The following MIB1 variants were observed in gnomAD, a reference collection of about 807,000 sequenced individuals.
MIB1 encodes E3 ubiquitin-protein ligase MIB1.
A neutral mutation model predicts 124.5 loss-of-function variants in MIB1; 278 were observed. The observed-to-expected ratio is 2.23, with a 90% confidence interval of 2.02 to 2.47. The LOEUF (loss-of-function observed/expected upper bound fraction) is 2.47. MIB1 is among the 30% of genes most tolerant of loss of function. The pLI is 0.00. For synonymous variants in MIB1, 446 were observed against 429.4 expected (o/e 1.04, Z -0.48); for missense variants, 957 against 1,254.4 (o/e 0.76, Z 3.58).
chr18:21,774,961 T>TTTATTTATTTA (rs1568195981), intron 4 of MIB1, among the ~76,000 whole-genome samples: 13 of 86,400 alleles, frequency 1.5e-4, no homozygotes, highest in African/African-American at 7.5e-4. Context: ...TTATTTATTT[T>TTTATTTATTTA]TTGAGACACA....
intron 1 of MIB1, among the ~76,000 whole-genome samples, chr18:21,731,733 CAA>C (rs1229088832): frequency 2.8e-5 from 1 of 35,896 alleles, no homozygotes; most frequent in Non-Finnish European, 5.0e-5. Flanking sequence ...CCCCGTCTCA[CAA>C]AAAAAAAAAA....
chr18:21,718,711 G>A (rs1332703468), intron 1 of MIB1, among the ~76,000 whole-genome samples: 1 of 152,190 alleles, frequency 6.6e-6, no homozygotes, highest in Non-Finnish European at 1.5e-5. Flanking sequence ...TATCTTGGGT[G>A]AGTTACTGGC....
intron 2 of MIB1, among the ~76,000 whole-genome samples, chr18:21,766,555 T>C (rs1345739681): frequency 6.6e-6 from 1 of 152,126 alleles, no homozygotes; most frequent in African/African-American, 2.4e-5. Context: ...ATACAGATAC[T>C]GCAAAGGAGC....
upstream of MIB1, among the ~76,000 whole-genome samples, chr18:21,737,095 A>T (rs570396182): frequency 1.3e-5 from 2 of 152,284 alleles, no homozygotes; most frequent in African/African-American, 2.4e-5. Flanking sequence ...ATGAGGAAAA[A>T]ATGTTAAGGG....
chr18:21,741,964 T>G lies in MIB1; in HGVS notation c.229+152T>G. The stretch of plus-strand genomic sequence containing the variant: ...CGGAAAGGCAAAGCGCCAAAGGAAT[T>G]CTAGGTTCCGAACGGGTGAACAAAC... On this transcript the variant is annotated intron_variant, in intron 1 of 20. Coordinates refer to ENST00000261537, the MANE Select transcript of MIB1 (RefSeq NM_020774.4). The surrounding 1 kb of genome is among the most constrained non-coding windows in gnomAD (Gnocchi z 5.4). The G allele has an allele frequency of 1.5e-6, 1 of 677,502 alleles. No individual in the cohort carries two copies. The highest frequency in any genetic ancestry group is 2.4e-6 in the Non-Finnish European group (1 of 415,040). 42.0% of individuals were successfully genotyped at this position (677,502 alleles called of 1,614,324 possible). A position where few individuals can be genotyped will look rare whatever the true frequency, so the allele number is the denominator to read the frequency against.
intron 12 of MIB1, among the ~76,000 whole-genome samples, chr18:21,833,014 G>A (rs1426616957): frequency 6.6e-6 from 1 of 152,138 alleles, no homozygotes; most frequent in African/African-American, 2.4e-5. Flanking sequence ...TATAAAGTAG[G>A]ATTTGTGATT....
At chr18:21,791,299 A>G in intron 6 of MIB1, 75 bp from the exon 7 acceptor site, 1 of 1,251,992 alleles carries the variant, frequency 8.0e-7, no homozygotes, top group African/African-American at 1.5e-5. Context: ...TACTCTTTTG[A>G]TCTTCACTGT....
At chr18:21,822,709 T>TTC (rs1555694331) in intron 12 of MIB1, among the ~76,000 whole-genome samples, 24 of 151,328 alleles carry the variant, frequency 1.6e-4, no homozygotes, top group Middle Eastern at 3.4e-3. Context: ...GGTTGATTTT[T>TTC]CCCCCCCTAT....
intron 10 of MIB1, among the ~76,000 whole-genome samples, chr18:21,815,016 TATA>T (rs2041813626): frequency 1.0e-4 from 2 of 19,900 alleles, no homozygotes; most frequent in Non-Finnish European, 2.1e-4. Context: ...TGGTTTTATA[TATA>T]TATATATATA....
At chr18:21,789,822 G>C (rs2041481658) in intron 6 of MIB1, among the ~76,000 whole-genome samples, 1 of 152,112 alleles carries the variant, frequency 6.6e-6, no homozygotes, top group Admixed American at 6.6e-5. Flanking sequence ...GTTACAGAAA[G>C]TTAGTAAACA....
At chr18:21,791,058 G>C (rs2041496475) in intron 6 of MIB1, among the ~76,000 whole-genome samples, 1 of 151,794 alleles carries the variant, frequency 6.6e-6, no homozygotes, top group African/African-American at 2.4e-5. Flanking sequence ...ACAAAAATTA[G>C]CTGGGCACAG....
At chr18:21,779,907 GA>G (rs1334850904) in intron 6 of MIB1, among the ~76,000 whole-genome samples, 3 of 151,654 alleles carry the variant, frequency 2.0e-5, no homozygotes, top group Non-Finnish European at 4.4e-5. Flanking sequence ...GTGTGTATGT[GA>G]ATTTATATGA....
Position 21,779,521 on chromosome 18 carries a change from T to G in MIB1, c.744T>G (p.Ile248Met), listed in dbSNP as rs533902815. 2 of 1,614,148 alleles carry G rather than the reference T, an allele frequency of 1.2e-6. No individual in the cohort carries two copies. The highest frequency in any genetic ancestry group is 2.2e-5 in the East Asian group (1 of 44,876). ...NGNRNPGGLQ[I>M]GDLVNIDLDL... is the part of the protein sequence containing the mutation. Reference sequence around the variant, plus strand: ...ACAGGAATCCTGGTGGATTGCAGATTGGTGACCTGGTAAATATAGATCTCG... The same window carrying G: ...ACAGGAATCCTGGTGGATTGCAGATGGGTGACCTGGTAAATATAGATCTCG... Residue 248 changes from isoleucine (I) to methionine (M), a missense_variant, in exon 6 of 21, where the codon ATT becomes ATG. By Grantham distance (10) the Ile-to-Met change is conservative. Transcript: ENST00000261537.
chr18:21,734,609 A>G (rs1196507510), intron 1 of MIB1, among the ~76,000 whole-genome samples: 1 of 151,056 alleles, frequency 6.6e-6, no homozygotes, highest in Non-Finnish European at 1.5e-5. Flanking sequence ...GCTCACTGCA[A>G]CCTTTACCTC....
intron 1 of MIB1, among the ~76,000 whole-genome samples, chr18:21,753,757 A>T (rs1212612968): frequency 2.0e-5 from 3 of 151,800 alleles, no homozygotes; most frequent in African/African-American, 7.3e-5. Context: ...GCCCACTGCA[A>T]CCTCTGCCTC....
At chr18:21,797,011 CA>C (rs1307514168) in intron 7 of MIB1, among the ~76,000 whole-genome samples, 1 of 151,902 alleles carries the variant, frequency 6.6e-6, no homozygotes, top group East Asian at 1.9e-4. Flanking sequence ...TTTAAACAAA[CA>C]AAAAATTGAT....
chr18:21,815,933 C>A, intron 11 of MIB1, 120 bp downstream of exon 11: 2 of 904,878 alleles, frequency 2.2e-6, no homozygotes, highest in Non-Finnish European at 3.3e-6. Flanking sequence ...TAAATGATAC[C>A]AAAGGCGTAA....
At chr18:21,797,167 AAG>A (rs1483546035) in intron 7 of MIB1, among the ~76,000 whole-genome samples, 3 of 152,296 alleles carry the variant, frequency 2.0e-5, no homozygotes, top group East Asian at 1.9e-4. Context: ...TTATCAAAAA[AAG>A]AGTTCTTATT....
rs751804470 is a variant in MIB1 at position 21,741,799 on chromosome 18, C to T, written c.216C>T (p.Asp72=). ...CSGAYDLRIL[D]SAPTGIKHDG... ...GGGCTTACGACCTCCGCATCCTGGA[C>T]AGCGCGCCCACCGGTAAGCCGCGGC... is the stretch of plus-strand genomic sequence containing the variant. Residue 72 remains aspartate, a synonymous_variant, in exon 1 of 21, where the codon GAC becomes GAT. Transcript: ENST00000261537. The surrounding 1 kb of genome is among the most constrained non-coding windows in gnomAD (Gnocchi z 5.4). 8 of 1,601,748 alleles carry T rather than the reference C, an allele frequency of 5.0e-6. No homozygotes were observed. Among genetic ancestry groups the T allele is most frequent in the Middle Eastern group, 1.8e-4 (1 of 5,602 alleles).
Sources: allele counts gnomAD v4.1 joint callset (sites outside exome capture counted in the v4.1 genomes callset), GRCh38; gene constraint gnomAD v4.1.1; non-coding constraint Gnocchi (gnomAD v3.1); transcripts MANE v1.5; gene names NCBI Gene and HGNC (gene_info 2026-07-23, HGNC 2026-07-21).